The following NOTCH2 variants were observed in gnomAD, a reference collection of about 807,000 sequenced individuals.
The protein encoded by NOTCH2 is notch receptor 2, also known as neurogenic locus notch homolog protein 2.
A neutral mutation model predicts 235.8 loss-of-function variants in NOTCH2; 29 were observed. The observed-to-expected ratio is 0.12, with a 90% CI of 0.09 to 0.17. The LOEUF (loss-of-function observed/expected upper bound fraction) is 0.17. Among genes scored for constraint, NOTCH2 ranks in the 10% least tolerant of loss-of-function variants. The pLI is 1.00. For synonymous variants in NOTCH2, 1,086 were observed against 1,141.5 expected (o/e 0.95, Z 0.98); for missense variants, 2,285 against 3,150.2 (o/e 0.73, Z 6.57).
intron 14 of NOTCH2, 116 bp downstream of exon 14, chr1:119,953,425 AAT>A (rs1650561221): frequency 1.8e-6 from 2 of 1,103,530 alleles, no homozygotes; most frequent in South Asian, 1.3e-5. Flanking sequence ...CTAATTGCTC[AAT>A]ATGTTTGTTA....
chr1:119,928,732 T>C (rs1649555331), intron 23 of NOTCH2, among the ~76,000 whole-genome samples: 1 of 152,238 alleles, frequency 6.6e-6, no homozygotes, highest in Admixed American at 6.5e-5. Context: ...AAAATATTCC[T>C]GCCATAGCAT....
At chr1:119,926,788 T>C (rs1020773935) in intron 23 of NOTCH2, among the ~76,000 whole-genome samples, 177 bp from the exon 24 acceptor site, 4 of 152,156 alleles carry the variant, frequency 2.6e-5, no homozygotes, top group Admixed American at 1.3e-4. Context: ...CTCAACATGA[T>C]TGGCCTGTCA....
intron 4 of NOTCH2, among the ~76,000 whole-genome samples, chr1:119,988,344 C>T (rs1234047243): frequency 6.6e-6 from 1 of 152,128 alleles, no homozygotes; most frequent in Non-Finnish European, 1.5e-5. Context: ...AAAATCACTC[C>T]ATGGAAGACA....
At chr1:119,947,212 C>T (rs782120066) in intron 17 of NOTCH2, among the ~76,000 whole-genome samples, 19 of 152,106 alleles carry the variant, frequency 1.2e-4, no homozygotes, top group Non-Finnish European at 2.4e-4. Flanking sequence ...ACATTTTCCT[C>T]TTCAAAAGAA....
At chr1:119,947,709 A>G (rs1412238748) in intron 17 of NOTCH2, among the ~76,000 whole-genome samples, 1 of 152,224 alleles carries the variant, frequency 6.6e-6, no homozygotes, top group Non-Finnish European at 1.5e-5. Flanking sequence ...CATTCATAGC[A>G]ACTTCATTTG....
At position 119,926,117 on chromosome 1, in the gene NOTCH2, T is replaced by C. The variant is rs587773371; in HGVS notation, c.4006-307A>G. Among the ~76,000 whole-genome samples, 11 of 152,320 alleles carry C rather than the reference T, an allele frequency of 7.2e-5. No individual in the cohort carries two copies. The South Asian group carries it at 1.7e-3, about 23-fold the overall frequency. On this transcript the variant is annotated intron_variant, in intron 24 of 33. Transcript: ENST00000256646. ...CCTGCTAAAGAATGTAAGAGCAGCA[T>C]TTCCACCAACTCTGGCCCAATCTGG... is the stretch of plus-strand genomic sequence containing the variant.
intron 24 of NOTCH2, 46 bp from the exon 25 acceptor site, chr1:119,925,856 A>G: frequency 6.2e-7 from 1 of 1,609,498 alleles, no homozygotes; most frequent in African/African-American, 1.3e-5. Flanking sequence ...GTAGGAAAAC[A>G]GTCATATTGG....
intron 23 of NOTCH2, 71 bp from the exon 24 acceptor site, chr1:119,926,682 G>T: frequency 7.9e-7 from 1 of 1,261,164 alleles, no homozygotes; most frequent in Non-Finnish European, 1.1e-6. Context: ...AACAAACTTT[G>T]CTGGGATGGG....
chr1:119,988,004 C>T (rs1424702095), intron 4 of NOTCH2, among the ~76,000 whole-genome samples: 1 of 152,100 alleles, frequency 6.6e-6, no homozygotes, highest in Non-Finnish European at 1.5e-5. Context: ...AGAAGACTAC[C>T]AGCTTCTATT....
chr1:119,919,877 T>C (rs1467429119), intron 30 of NOTCH2, among the ~76,000 whole-genome samples: 4 of 152,236 alleles, frequency 2.6e-5, no homozygotes, highest in Admixed American at 2.6e-4. Context: ...AGTGCTGTTA[T>C]TTTAATTGGA....
At chr1:120,059,146 G>A (rs1247921844) in intron 1 of NOTCH2, among the ~76,000 whole-genome samples, 14 of 131,580 alleles carry the variant, frequency 1.1e-4, no homozygotes, top group African/African-American at 3.3e-4. Context: ...TCTAACTGGC[G>A]TTTTCTGAAC....
rs587773343 is a variant in NOTCH2 at position 119,926,910 on chromosome 1, C to A, written c.3893-299G>T. Among the ~76,000 whole-genome samples the A allele has an allele frequency of 2.1e-4, 32 of 152,352 alleles. No individual in the cohort carries two copies. In the South Asian group the frequency reaches 6.2e-3, roughly 30 times the overall value. On this transcript the variant is annotated intron_variant, in intron 23 of 33. Transcript: ENST00000256646. ...TCCCATCAAAAAAAGAGAAATCACA[C>A]TTCAGCTTTTTGAAGTCATTTTAGC...
At chr1:120,048,426 T>A (rs1654885790) in intron 1 of NOTCH2, among the ~76,000 whole-genome samples, 1 of 131,666 alleles carries the variant, frequency 7.6e-6, no homozygotes, top group South Asian at 2.7e-4. Flanking sequence ...GGCTTGGCAA[T>A]TAGACAGGCC....
intron 15 of NOTCH2, chr1:119,950,217 C>G: frequency 2.9e-6 from 1 of 346,716 alleles, no homozygotes; most frequent in Non-Finnish European, 5.7e-6. Flanking sequence ...CCTAGATGTA[C>G]TACTTACCTA....
intron 3 of NOTCH2, among the ~76,000 whole-genome samples, chr1:120,002,762 A>G (rs1553205661): frequency 6.9e-6 from 1 of 145,232 alleles, no homozygotes; most frequent in African/African-American, 2.7e-5. Context: ...ATCATGTGAC[A>G]TAAGATTTAT....
At chr1:120,006,916 G>A (rs1393832900) in intron 2 of NOTCH2, among the ~76,000 whole-genome samples, 2 of 152,138 alleles carry the variant, frequency 1.3e-5, no homozygotes, top group Non-Finnish European at 2.9e-5. Context: ...CACAGTTACT[G>A]AGAAAAGAAG....
intron 3 of NOTCH2, among the ~76,000 whole-genome samples, chr1:119,999,712 T>C (rs1652632534): frequency 6.6e-6 from 1 of 152,108 alleles, no homozygotes; most frequent in South Asian, 2.1e-4. Flanking sequence ...TGAAATGCCA[T>C]CTTTTCTAAA....
chr1:119,963,899 A>T, intron 10 of NOTCH2, 92 bp from the exon 11 acceptor site: 3 of 1,086,736 alleles, frequency 2.8e-6, no homozygotes, highest in Non-Finnish European at 4.2e-6. Flanking sequence ...TACTCTACAC[A>T]TTCGATGTGT....
At chr1:120,025,451 C>T (rs1162622477) in intron 2 of NOTCH2, among the ~76,000 whole-genome samples, 2 of 151,812 alleles carry the variant, frequency 1.3e-5, no homozygotes, top group East Asian at 1.9e-4. Flanking sequence ...TTTGTGTCAT[C>T]GGACTAAGGG....
Sources: allele counts gnomAD v4.1 joint callset (sites outside exome capture counted in the v4.1 genomes callset), GRCh38; gene constraint gnomAD v4.1.1; transcripts MANE v1.5; gene names NCBI Gene and HGNC (gene_info 2026-07-23, HGNC 2026-07-21).